The following HERC2 variants were observed in gnomAD, a reference collection of about 807,000 sequenced individuals.
The protein encoded by HERC2 is E3 ubiquitin-protein ligase HERC2.
HERC2 carries 102 observed loss-of-function variants against 537.7 expected under a neutral mutation model. The observed-to-expected ratio is 0.19, with a 90% CI of 0.16 to 0.22. The LOEUF is 0.22. Among genes scored for constraint, HERC2 ranks in the 10% least tolerant of loss-of-function variants. HERC2 has a pLI of 1.00. For synonymous variants in HERC2, 2,224 were observed against 2,466.2 expected, an observed-to-expected ratio of 0.90 and a Z score of 2.91; for missense variants, 4,236 against 6,198.2, an observed-to-expected ratio of 0.68 and a Z score of 10.63.
In HERC2 at chr15:28,182,495, G is replaced by A; in HGVS notation, c.8843C>T (p.Ala2948Val). The A allele has an allele frequency of 6.2e-7, 1 of 1,612,588 alleles. No homozygotes were observed. Among genetic ancestry groups the A allele is most frequent in the South Asian group, 1.1e-5 (1 of 91,032 alleles). Residue 2948 changes from alanine to valine, a missense_variant, in exon 57 of 93, where the codon GCT becomes GTT. Transcript: ENST00000261609. The part of the protein sequence containing the change: ...GNSGSLIRKK[A>V]AGLESAATIR... ...CGTAGCTGCTGATTCCAGCCCAGCA[G>A]CCTTCTTTCTAATGAGGCTAACCAA... is the stretch of plus-strand genomic sequence containing the variant.
chr15:28,240,276 G>A (rs1347733397), intron 23 of HERC2, among the ~76,000 whole-genome samples: 1 of 152,106 alleles, frequency 6.6e-6, no homozygotes, highest in Non-Finnish European at 1.5e-5. Flanking sequence ...AAATTAGCCG[G>A]GCGTGGTGGC....
At position 28,280,589 on chromosome 15, in the gene HERC2, CCTCT is replaced by C. The variant is rs1414193673; in HGVS notation, c.323-306_323-303del. On this transcript the variant is annotated intron_variant, in intron 4 of 92. Transcript: ENST00000261609. ...ACTCTTGAGCCACCATGGCACACTGCCTCTCTCTATGGAAACATCATACAAAAGA... is the reference window on the plus strand; with the variant it reads ...ACTCTTGAGCCACCATGGCACACTGCCTCTATGGAAACATCATACAAAAGA... Among the ~76,000 whole-genome samples the C allele has an allele frequency of 5.9e-5, 9 of 152,046 alleles. No individual in the cohort carries two copies. The South Asian group carries it at 1.9e-3, about 32-fold the overall frequency.
intron 2 of HERC2, among the ~76,000 whole-genome samples, chr15:28,315,315 G>A (rs1163874311): frequency 6.6e-6 from 1 of 152,234 alleles, no homozygotes; most frequent in East Asian, 1.9e-4. Flanking sequence ...CTCCTTGGTA[G>A]GCAGTCAGGA....
chr15:28,286,042 GA>G (rs1355318999), intron 4 of HERC2, among the ~76,000 whole-genome samples: 3 of 151,110 alleles, frequency 2.0e-5, no homozygotes, highest in African/African-American at 4.9e-5. Flanking sequence ...CAAAGAATCC[GA>G]AAAAAAAGAA....
Position 28,274,455 on chromosome 15 carries a change from C to G in HERC2, c.644-8G>C, listed in dbSNP as rs770589576. The stretch of plus-strand genomic sequence containing the variant: ...AGAGGTCCGCATCCTCGCCTGGGCG[C>G]ACACACGCGTCAGAGGAGCCCCCCC... On this transcript the variant is annotated splice_polypyrimidine_tract_variant and splice_region_variant and intron_variant, in intron 6 of 92. Coordinates refer to ENST00000261609, the MANE Select transcript of HERC2 (RefSeq NM_004667.6). The G allele has an allele frequency of 8.7e-6, 14 of 1,603,816 alleles. No individual in the cohort carries two copies. In the Admixed American group the frequency reaches 2.2e-4, roughly 25 times the overall value.
intron 38 of HERC2, among the ~76,000 whole-genome samples, chr15:28,217,563 G>C (rs970234191): frequency 6.6e-6 from 1 of 152,258 alleles, no homozygotes; most frequent in Non-Finnish European, 1.5e-5. Flanking sequence ...CACTCCCTCA[G>C]CTCACATTTC....
chr15:28,175,392 C>G (rs1895172193), intron 64 of HERC2, 120 bp downstream of exon 64: 2 of 968,634 alleles, frequency 2.1e-6, no homozygotes, highest in African/African-American at 3.2e-5. Flanking sequence ...GTTCTCCAAG[C>G]AGTAAGACTC....
rs768746306 is a variant in HERC2 at position 28,265,807 on chromosome 15, G to GCAGAC, written c.1756+5_1756+9dup. 2.5e-6 allele frequency: 4 copies of GCAGAC among 1,614,048 alleles called. No individual in the cohort carries two copies. The highest frequency in any genetic ancestry group is 2.7e-5 in the African/African-American group (2 of 74,938). On this transcript the variant is annotated intron_variant, in intron 13 of 92. Coordinates refer to ENST00000261609, the MANE Select transcript of HERC2 (RefSeq NM_004667.6). This position sits in a 1 kb window ranked among gnomAD's most constrained non-coding sequence, Gnocchi z 4.0. ...TGCTGCATGCTCCCACTCATGCAGA[G>GCAGAC]CAGACGTACCATGGCCCAGCCGGCC...
rs1225960369 is a variant in HERC2, at chr15:28,212,521, CCAGA to C, written c.6845_6848del (p.Val2282GlyfsTer5). On this transcript the variant is annotated frameshift_variant, in exon 43 of 93. Transcript: ENST00000261609. LOFTEE classifies it high-confidence loss of function. ...TTCCAGCGAGGTTCACCAACTGAGC[CCAGA>C]CAGACAGCATGGGCTCTGTGAAGGG... 1 of 1,578,586 alleles carries C rather than the reference CCAGA, an allele frequency of 6.3e-7. No homozygotes were observed. The highest frequency in any genetic ancestry group is 8.7e-7 in the Non-Finnish European group (1 of 1,150,526).
intron 68 of HERC2, among the ~76,000 whole-genome samples, chr15:28,165,737 C>T (rs190546268): frequency 7.2e-5 from 11 of 151,994 alleles, no homozygotes; most frequent in African/African-American, 2.4e-4. Flanking sequence ...GAGGTTGAGG[C>T]TGCAGTGAGC....
intron 2 of HERC2, among the ~76,000 whole-genome samples, chr15:28,313,377 C>G (rs2076998196): frequency 6.6e-6 from 1 of 152,172 alleles, no homozygotes. Context: ...GACGGGGTTT[C>G]ACCGTGTTAG....
At chr15:28,198,327 T>C in intron 50 of HERC2, 51 bp downstream of exon 50, 3 of 1,575,742 alleles carry the variant, frequency 1.9e-6, no homozygotes, top group Non-Finnish European at 1.7e-6. Context: ...TAAGTACACA[T>C]GCGTTAATGA....
intron 20 of HERC2, among the ~76,000 whole-genome samples, chr15:28,253,456 A>C (rs562492192): frequency 6.6e-6 from 1 of 152,334 alleles, no homozygotes; most frequent in South Asian, 2.1e-4. Flanking sequence ...TTACATGTTT[A>C]CTGCACACCG....
intron 4 of HERC2, among the ~76,000 whole-genome samples, chr15:28,284,432 A>G (rs528115265): frequency 6.6e-6 from 1 of 152,294 alleles, no homozygotes; most frequent in East Asian, 1.9e-4. Flanking sequence ...AACAGTCTAA[A>G]TGCATCAATT....
At chr15:28,171,772 A>G (rs911767595) in intron 65 of HERC2, among the ~76,000 whole-genome samples, 3 of 152,164 alleles carry the variant, frequency 2.0e-5, no homozygotes, top group African/African-American at 7.2e-5. Context: ...CTAACAAAAG[A>G]CAAGCAAAAC....
At chr15:28,247,627 A>C (rs1472835035) in intron 21 of HERC2, among the ~76,000 whole-genome samples, 2 of 151,928 alleles carry the variant, frequency 1.3e-5, no homozygotes, top group Non-Finnish European at 2.9e-5. Context: ...ACGGGGTTTC[A>C]CTATGTTGGT....
chr15:28,321,770 A>AGT (rs1275603852), intron 1 of HERC2, among the ~76,000 whole-genome samples: 6 of 137,150 alleles, frequency 4.4e-5, no homozygotes, highest in Non-Finnish European at 8.9e-5. Flanking sequence ...AAATCCAAGA[A>AGT]GTACACACAC....
At chr15:28,187,322 GT>G (rs869260550) in intron 55 of HERC2, among the ~76,000 whole-genome samples, 12 of 145,150 alleles carry the variant, frequency 8.3e-5, no homozygotes, top group African/African-American at 1.0e-4. Context: ...AGGAGGTCTG[GT>G]TTTTTTTTTT....
intron 68 of HERC2, among the ~76,000 whole-genome samples, chr15:28,167,097 A>G (rs1052899961): frequency 6.6e-6 from 1 of 152,240 alleles, no homozygotes; most frequent in African/African-American, 2.4e-5. Context: ...AAGATGCTAA[A>G]AACTGGGAGG....
Sources: gnomAD v4.1 joint callset for allele counts (sites outside exome capture counted in the v4.1 genomes callset) on GRCh38, gnomAD v4.1.1 for gene constraint, Gnocchi (gnomAD v3.1) non-coding constraint, MANE v1.5 for transcripts, NCBI Gene and HGNC (gene_info 2026-07-23, HGNC 2026-07-21) for gene names.